Variants in SLC16A9 observed in about 807,000 individuals in gnomAD.
SLC16A9 encodes the protein monocarboxylate transporter 9.
SLC16A9 carries 26 observed loss-of-function variants against 44.3 expected under a neutral mutation model. That is an observed-to-expected ratio of 0.59 (90% confidence interval 0.43 to 0.81). The LOEUF (loss-of-function observed/expected upper bound fraction) is 0.81, where lower values mean the gene tolerates loss of function less well. SLC16A9 is among the 40% of genes least tolerant of loss of function. The probability of loss-of-function intolerance (pLI) is 0.00; values close to 1 mark genes in which losing one functional copy is unlikely to be tolerated. For missense variants in SLC16A9, 559 were observed against 595.8 expected (o/e 0.94, Z 0.64); for synonymous variants, 230 against 225.1 (o/e 1.02, Z -0.19).
chr10:59,687,427 C>A (rs1840158510), intron 1 of SLC16A9, among the ~76,000 whole-genome samples: 1 of 152,072 alleles, frequency 6.6e-6, no homozygotes, highest in Non-Finnish European at 1.5e-5. Flanking sequence ...TACATTTTAT[C>A]AATGTATTTC....
At chr10:59,652,984 T>C (rs1383196970) in intron 5 of SLC16A9, 34 bp from the exon 6 acceptor site, 1 of 1,561,722 alleles carries the variant, frequency 6.4e-7, no homozygotes, top group African/African-American at 1.4e-5. Context: ...GTAAGTTTCA[T>C]GGAAATAGTA....
intron 4 of SLC16A9, among the ~76,000 whole-genome samples, chr10:59,656,825 C>A (rs1839359758): frequency 6.6e-6 from 1 of 152,056 alleles, no homozygotes; most frequent in Non-Finnish European, 1.5e-5. Context: ...AAAAGAGCAT[C>A]CTAATTTTAA....
chr10:59,650,817 C>G lies in SLC16A9; in HGVS notation c.*1955G>C, dbSNP rs1484050212. 6.6e-6 allele frequency: 1 copy of G among 152,142 alleles called. No individual in the cohort carries two copies. The highest frequency in any genetic ancestry group is 2.4e-5 in the African/African-American group (1 of 41,438). The allele number at this position is 152,142 out of a possible 1,614,324, so 9.4% of individuals were successfully genotyped here. A position where few individuals can be genotyped will look rare whatever the true frequency, so the allele number is the denominator to read the frequency against. ...AACTTAAAATTCATCCCCTAGACAA[C>G]AGATAACGCCCACATTGGATGTTAT... On this transcript the variant is annotated 3_prime_UTR_variant, in exon 6 of 6. Coordinates refer to ENST00000395348, the MANE Select transcript of SLC16A9 (RefSeq NM_194298.3).
At chr10:59,672,694 G>A (rs139810598) in intron 3 of SLC16A9, 76 bp downstream of exon 3, 3 of 1,373,666 alleles carry the variant, frequency 2.2e-6, no homozygotes, top group East Asian at 2.4e-5. Flanking sequence ...ACATTAACTG[G>A]ATCATAAACC....
chr10:59,664,613 G>A (rs959119114), intron 3 of SLC16A9, among the ~76,000 whole-genome samples: 2 of 152,174 alleles, frequency 1.3e-5, no homozygotes, highest in African/African-American at 4.8e-5. Context: ...GAGAAAGAAG[G>A]AAAATGGCTA....
chr10:59,701,997 A>G (rs1158961375), intron 1 of SLC16A9, among the ~76,000 whole-genome samples: 1 of 152,256 alleles, frequency 6.6e-6, no homozygotes, highest in East Asian at 1.9e-4. Context: ...GGACTAGCCC[A>G]CAAGTCTATC....
intron 1 of SLC16A9, among the ~76,000 whole-genome samples, chr10:59,699,889 A>G (rs984383559): frequency 1.5e-4 from 21 of 136,292 alleles, no homozygotes; most frequent in African/African-American, 4.9e-4. Flanking sequence ...TTTCAGATTC[A>G]ACTGCACTGA....
rs756808756 is a variant in SLC16A9 at position 59,654,250 on chromosome 10, A to G, written c.776T>C (p.Val259Ala). The G allele has an allele frequency of 6.2e-7, 1 of 1,614,114 alleles. No individual in the cohort carries two copies. The highest frequency in any genetic ancestry group is 1.1e-5 in the South Asian group (1 of 91,080). Residue 259 changes from valine to alanine, a missense_variant, in exon 5 of 6, where the codon GTG becomes GCG. Transcript: ENST00000395348. ...QDSLLHKNPTVTHTKEPETYK... is the reference protein window; with the variant it reads ...QDSLLHKNPTATHTKEPETYK... The stretch of plus-strand genomic sequence containing the variant: ...CGTTTCAGGCTCTTTTGTGTGTGTC[A>G]CTGTGGGGTTTTTATGAAGTAGGCT...
chr10:59,664,164 T>C, intron 4 of SLC16A9, 63 bp downstream of exon 4: 1 of 1,178,538 alleles, frequency 8.5e-7, no homozygotes, highest in Non-Finnish European at 1.2e-6. Context: ...CTGTGCTTGG[T>C]AACTTTTTAC....
intron 1 of SLC16A9, among the ~76,000 whole-genome samples, chr10:59,694,833 C>CACAT (rs778737142): frequency 0.064 from 6,280 of 97,764 alleles, 445 homozygotes; most frequent in Non-Finnish European, 0.086. Flanking sequence ...CACACACACA[C>CACAT]ATATATATAC....
Position 59,651,882 on chromosome 10 carries a change from C to G in SLC16A9, c.*890G>C, listed in dbSNP as rs958764937. Reference sequence around the variant, plus strand: ...CACTGGGAGGATATGCAAGAACTTGCAGCCCATCCCCACTGTGCCCAAAGC... The same window carrying G: ...CACTGGGAGGATATGCAAGAACTTGGAGCCCATCCCCACTGTGCCCAAAGC... On this transcript the variant is annotated 3_prime_UTR_variant, in exon 6 of 6. Coordinates refer to ENST00000395348, the MANE Select transcript of SLC16A9 (RefSeq NM_194298.3). The G allele has an allele frequency of 2.0e-5, 3 of 152,154 alleles. No homozygotes were observed. The highest frequency in any genetic ancestry group is 4.4e-5 in the Non-Finnish European group (3 of 68,022). 9.4% of individuals were successfully genotyped at this position (152,154 alleles called of 1,614,324 possible).
In SLC16A9 at chr10:59,679,113, A is replaced by T. The variant is rs201796277; in HGVS notation, c.196+4983T>A. On this transcript the variant is annotated intron_variant, in intron 2 of 5. Coordinates refer to ENST00000395348, the MANE Select transcript of SLC16A9 (RefSeq NM_194298.3). Reference sequence around the variant, plus strand: ...AAAAGGGAGAGGGCAAGGACTCTCAAATCTGCTTTGAGTACAAAACTGCAG... The same window carrying T: ...AAAAGGGAGAGGGCAAGGACTCTCATATCTGCTTTGAGTACAAAACTGCAG... 3.3e-5 allele frequency among the ~76,000 whole-genome samples: 5 copies of T among 152,310 alleles called. No individual in the cohort carries two copies. In the East Asian group the frequency reaches 9.7e-4, roughly 29 times the overall value.
chr10:59,681,839 G>GATGTATATGTAT (rs5785398), intron 2 of SLC16A9, among the ~76,000 whole-genome samples: 1,560 of 25,904 alleles, frequency 0.06, 497 homozygotes, highest in Middle Eastern at 0.14. Flanking sequence ...ATATGTATAT[G>GATGTATATGTAT]ATGTATATGT....
intron 2 of SLC16A9, among the ~76,000 whole-genome samples, chr10:59,678,936 C>G (rs1839926272): frequency 1.3e-5 from 2 of 152,274 alleles, no homozygotes; most frequent in Non-Finnish European, 2.9e-5. Context: ...AAGGAGTTAA[C>G]AGTGCTTAGG....
intron 3 of SLC16A9, among the ~76,000 whole-genome samples, chr10:59,668,143 G>A (rs997365642): frequency 1.3e-5 from 2 of 151,554 alleles, no homozygotes; most frequent in Non-Finnish European, 2.9e-5. Context: ...CCACCAATCT[G>A]TCTTCTAAAC....
At chr10:59,672,205 T>C (rs1480177634) in intron 3 of SLC16A9, among the ~76,000 whole-genome samples, 1 of 152,192 alleles carries the variant, frequency 6.6e-6, no homozygotes, top group Non-Finnish European at 1.5e-5. Flanking sequence ...GCGCCTCCTA[T>C]GCTTTCCTCC....
At chr10:59,682,604 CT>C (rs1447126691) in intron 2 of SLC16A9, among the ~76,000 whole-genome samples, 1 of 152,140 alleles carries the variant, frequency 6.6e-6, no homozygotes, top group Non-Finnish European at 1.5e-5. Context: ...TTTAATTATC[CT>C]TTGACCCTTG....
intron 1 of SLC16A9, among the ~76,000 whole-genome samples, chr10:59,697,039 G>T (rs1447766602): frequency 1.1e-5 from 1 of 90,804 alleles, no homozygotes; most frequent in Non-Finnish European, 2.4e-5. Flanking sequence ...GGGCGCCTCT[G>T]CCTGGCCGCC....
intron 4 of SLC16A9, among the ~76,000 whole-genome samples, chr10:59,659,232 G>T (rs1839417015): frequency 6.6e-6 from 1 of 152,002 alleles, no homozygotes; most frequent in Non-Finnish European, 1.5e-5. Context: ...CTTGTCATTT[G>T]GATATGCACG....
Sources: gnomAD v4.1 joint callset for allele counts (sites outside exome capture counted in the v4.1 genomes callset) on GRCh38, gnomAD v4.1.1 for gene constraint, MANE v1.5 for transcripts, NCBI Gene and HGNC (gene_info 2026-07-23, HGNC 2026-07-21) for gene names.